CLMN: variants seen among roughly 807,000 people sequenced by gnomAD.
The protein encoded by CLMN is calmin (calponin-like, transmembrane).
Under a neutral mutation model 92.7 loss-of-function variants are expected in CLMN, and 57 were observed. That is an observed-to-expected ratio of 0.61 (90% CI 0.50 to 0.77). CLMN has a LOEUF of 0.77. CLMN is among the 30% of genes least tolerant of loss of function. CLMN has a pLI of 0.00. For missense variants in CLMN, 1,158 were observed against 1,237.5 expected (o/e 0.94, Z 0.96); for synonymous variants, 466 against 470.6 (o/e 0.99, Z 0.13).
At chr14:95,195,741 G>C (rs544494675) in intron 10 of CLMN, among the ~76,000 whole-genome samples, 2 of 152,330 alleles carry the variant, frequency 1.3e-5, no homozygotes, top group East Asian at 3.9e-4. Context: ...GAGAATGAAT[G>C]AGAAAATGAA....
At chr14:95,209,523 G>A (rs372262216) in intron 7 of CLMN, 46 bp from the exon 8 acceptor site, 82 of 1,407,504 alleles carry the variant, frequency 5.8e-5, no homozygotes, top group African/African-American at 2.7e-4. Context: ...AAACACACAC[G>A]CTTTCAATAG....
intron 1 of CLMN, among the ~76,000 whole-genome samples, chr14:95,252,834 G>A (rs117170761): frequency 6.6e-6 from 1 of 152,170 alleles, no homozygotes; most frequent in Admixed American, 6.5e-5. Flanking sequence ...TGCCGGGAGG[G>A]TAAAGCATCC....
intron 5 of CLMN, among the ~76,000 whole-genome samples, chr14:95,213,900 G>A (rs1475682903): frequency 1.3e-5 from 2 of 152,094 alleles, no homozygotes; most frequent in Non-Finnish European, 2.9e-5. Context: ...ATCAGAATCT[G>A]TTTCAATACC....
Position 95,204,093 on chromosome 14 carries a change from G to T in CLMN, c.1256C>A (p.Ser419Tyr), listed in dbSNP as rs765793118. The T allele has an allele frequency of 6.2e-7, 1 of 1,614,182 alleles. No homozygotes were observed. Among genetic ancestry groups the T allele is most frequent in the Non-Finnish European group, 8.5e-7 (1 of 1,180,034 alleles). Residue 419 changes from serine to tyrosine, a missense_variant, in exon 9 of 13, where the codon TCT becomes TAT. By Grantham distance (144) the Ser-to-Tyr change is moderately radical. Transcript: ENST00000298912. ...SSRKENGRSN[S>Y]LPIKKTVHFE... Reference sequence around the variant, plus strand: ...GTGAACTGTTTTCTTGATCGGCAAAGAGTTGGACCTCCCGTTCTCCTTTCT... The same window carrying T: ...GTGAACTGTTTTCTTGATCGGCAAATAGTTGGACCTCCCGTTCTCCTTTCT...
chr14:95,232,070 C>T (rs576412544), intron 1 of CLMN, among the ~76,000 whole-genome samples: 3 of 152,200 alleles, frequency 2.0e-5, no homozygotes, highest in Non-Finnish European at 4.4e-5. Flanking sequence ...AATAAAACAG[C>T]CCAGGTGGAA....
At chr14:95,312,181 C>T (rs749476792) in intron 1 of CLMN, among the ~76,000 whole-genome samples, 143 of 152,242 alleles carry the variant, frequency 9.4e-4, no homozygotes, top group Non-Finnish European at 1.9e-3. Flanking sequence ...GGTGAGCACC[C>T]ACAGTTCCTA....
rs1004816989 is a variant in CLMN, at chr14:95,277,520, C to T, written c.82+42191G>A. On this transcript the variant is annotated intron_variant, in intron 1 of 12. Transcript: ENST00000298912. ...AAAATTATCTTGAGCAGTTAAAAGG[C>T]TTTGCAAGCTCAAAGTTGATTGCTC... is the stretch of plus-strand genomic sequence containing the variant. Among the ~76,000 whole-genome samples the T allele has an allele frequency of 2.0e-5, 3 of 152,016 alleles. No individual in the cohort carries two copies. The East Asian group carries it at 5.8e-4, about 29-fold the overall frequency.
At chr14:95,291,568 A>T (rs1900567760) in intron 1 of CLMN, among the ~76,000 whole-genome samples, 1 of 152,244 alleles carries the variant, frequency 6.6e-6, no homozygotes, top group Admixed American at 6.5e-5. Context: ...AGACGGAGTC[A>T]GACTGGCCCC....
intron 1 of CLMN, among the ~76,000 whole-genome samples, chr14:95,279,247 A>G (rs1900050608): frequency 6.6e-6 from 1 of 152,382 alleles, no homozygotes; most frequent in African/African-American, 2.4e-5. Flanking sequence ...AAATAAAAAT[A>G]TCTTCAAAAT....
intron 4 of CLMN, 66 bp downstream of exon 4, chr14:95,221,625 C>T: frequency 6.9e-7 from 1 of 1,443,624 alleles, no homozygotes; most frequent in Non-Finnish European, 9.7e-7. Flanking sequence ...CAGCACTGAA[C>T]TTCAAATGAC....
chr14:95,263,345 A>G (rs1000989710), intron 1 of CLMN, among the ~76,000 whole-genome samples: 3 of 152,144 alleles, frequency 2.0e-5, no homozygotes, highest in African/African-American at 7.2e-5. Flanking sequence ...TGCTCCCATG[A>G]TTCAATTACC....
intron 1 of CLMN, among the ~76,000 whole-genome samples, chr14:95,300,209 C>T (rs1057231551): frequency 6.6e-6 from 1 of 152,188 alleles, no homozygotes; most frequent in Admixed American, 6.5e-5. Flanking sequence ...CCACATCCTG[C>T]CCCCAAAGGG....
chr14:95,191,779 G>A lies in CLMN; in HGVS notation c.2841-47C>T, dbSNP rs368542888. 5.2e-5 allele frequency: 81 copies of A among 1,553,438 alleles called. No individual in the cohort carries two copies. Among genetic ancestry groups the A allele is most frequent in the Middle Eastern group, 2.4e-4 (1 of 4,238 alleles). The stretch of plus-strand genomic sequence containing the variant: ...AACGCAGTTACCAAGCAGGTTCCCA[G>A]GAAAGTGGACCCCACCCAGTGCTAC... On this transcript the variant is annotated intron_variant, in intron 12 of 12. Transcript: ENST00000298912. The surrounding 1 kb of genome is among the most constrained non-coding windows in gnomAD (Gnocchi z 5.3).
chr14:95,216,734 G>A (rs1035741151), intron 4 of CLMN, among the ~76,000 whole-genome samples: 4 of 152,106 alleles, frequency 2.6e-5, no homozygotes, highest in African/African-American at 9.7e-5. Flanking sequence ...AAACCCTCAG[G>A]GTCTTATCTA....
chr14:95,230,236 C>A, intron 1 of CLMN, 103 bp from the exon 2 acceptor site: 1 of 1,016,286 alleles, frequency 9.8e-7, no homozygotes, highest in Non-Finnish European at 1.5e-6. Flanking sequence ...CAGACAGAAC[C>A]CCAGGGTGTC....
Position 95,203,689 on chromosome 14 carries a change from C to T in CLMN, c.1660G>A (p.Asp554Asn), listed in dbSNP as rs186980388. 38 of 1,614,132 alleles carry T rather than the reference C, an allele frequency of 2.4e-5. No homozygotes were observed. In the Admixed American group the frequency reaches 2.7e-4, roughly 11 times the overall value. ...TTTAATGGGATGGCTTCAAAATAGT[C>T]TCCCTCCTCTAAAGCTTCTACAGTC... ...LMTVEALEEG[D>N]YFEAIPLKAS... The change falls in exon 9 of 13, where the codon GAC becomes AAC. Residue 554 changes from aspartate (D) to asparagine (N), a missense_variant. Transcript: ENST00000298912.
Position 95,203,610 on chromosome 14 carries a change from A to G in CLMN, c.1739T>C (p.Phe580Ser). 6.2e-7 allele frequency: 1 copy of G among 1,614,180 alleles called. No individual in the cohort carries two copies. Residue 580 changes from phenylalanine to serine, a missense_variant, in exon 9 of 13, where the codon TTC becomes TCC. Coordinates refer to ENST00000298912, the MANE Select transcript of CLMN (RefSeq NM_024734.4). ...LIDFASTSQA[F>S]NKVPSPHETK... ...CTCATGAGGTGAAGGAACTTTGTTG[A>G]AAGCCTGGCTGGTAGAAGCAAAATC...
chr14:95,229,938 G>A (rs72710126), intron 2 of CLMN, 134 bp downstream of exon 2: 196,608 of 787,370 alleles, frequency 0.25, 27,891 homozygotes, highest in Non-Finnish European at 0.3. Context: ...CCGGCAGGGG[G>A]AGGCACTTAT....
At chr14:95,274,312 T>C (rs1183768198) in intron 1 of CLMN, among the ~76,000 whole-genome samples, 1 of 151,994 alleles carries the variant, frequency 6.6e-6, no homozygotes, top group Non-Finnish European at 1.5e-5. Flanking sequence ...AGACCACATA[T>C]GGTCTAACCA....
Sources: allele counts gnomAD v4.1 joint callset (sites outside exome capture counted in the v4.1 genomes callset), GRCh38; gene constraint gnomAD v4.1.1; non-coding constraint Gnocchi (gnomAD v3.1); transcripts MANE v1.5; gene names NCBI Gene and HGNC (gene_info 2026-07-23, HGNC 2026-07-21).